APC: variants seen among roughly 807,000 people sequenced by gnomAD.
APC encodes adenomatous polyposis coli protein.
APC carries 72 observed loss-of-function variants against 247.0 expected under a neutral mutation model. The observed-to-expected ratio is 0.29, with a 90% CI of 0.24 to 0.35. The LOEUF is 0.35. Ranked by LOEUF, APC falls within the 10% of genes least tolerant of loss-of-function variation. The pLI is 1.00. For missense variants in APC, 3,400 were observed against 3,360.7 expected (o/e 1.01, Z -0.29); for synonymous variants, 1,254 against 1,162.5 (o/e 1.08, Z -1.60).
chr5:112,819,604 A>G (rs1307768167), intron 10 of APC, among the ~76,000 whole-genome samples: 2 of 152,236 alleles, frequency 1.3e-5, no homozygotes, highest in African/African-American at 4.8e-5. Flanking sequence ...GGGCCTTAGT[A>G]GAGCTAGAAA....
In APC at chr5:112,828,891, A is replaced by C. The variant is rs1057521976; in HGVS notation, c.1662A>C (p.Arg554=). The C allele has an allele frequency of 1.2e-6, 2 of 1,613,774 alleles. No homozygotes were observed. Among genetic ancestry groups the C allele is most frequent in the Admixed American group, 1.7e-5 (1 of 60,002 alleles). Residue 554 remains arginine (R), a synonymous_variant, in exon 14 of 16, where the codon CGA becomes CGC. Transcript: ENST00000257430. ...GTGTTTTGAGGAATTTGTCTTGGCGAGCAGATGTAAATAGTAAAAAGACGT... is the reference window on the plus strand; with the variant it reads ...GTGTTTTGAGGAATTTGTCTTGGCGCGCAGATGTAAATAGTAAAAAGACGT... The part of the protein sequence containing the change: ...IASVLRNLSW[R]ADVNSKKTLR...
At position 112,767,256 on chromosome 5, in the gene APC, T is replaced by C. The variant is rs376213437; in HGVS notation, c.288T>C (p.Tyr96=). 55 of 1,614,186 alleles carry C rather than the reference T, an allele frequency of 3.4e-5. No homozygotes were observed. The highest frequency in any genetic ancestry group is 6.7e-5 in the Admixed American group (4 of 60,024). The part of the protein sequence containing the change: ...KLRSKMSLRS[Y]GSREGSVSSR... ...GGTCAAAAATGTCCCTCCGTTCTTA[T>C]GGAAGCCGGGAAGGATCTGTATCAA... Residue 96 remains tyrosine (Y), a synonymous_variant, in exon 4 of 16, where the codon TAT becomes TAC. Transcript: ENST00000257430.
At chr5:112,708,017 C>T (rs1750627747) in intron 1 of APC, 17 of 906,232 alleles carry the variant, frequency 1.9e-5, no homozygotes, top group Non-Finnish European at 2.3e-5. Flanking sequence ...CTCTCCCCTC[C>T]CCGCACTCCC....
chr5:112,745,651 C>T (rs567889827), intron 1 of APC, among the ~76,000 whole-genome samples: 95 of 151,492 alleles, frequency 6.3e-4, no homozygotes, highest in Non-Finnish European at 6.2e-4. Context: ...GCAACCTCCA[C>T]CTCAAGCGAT....
rs138528583 is a variant in APC, at chr5:112,716,115, T to G, written c.165+8233T>G. Among the ~76,000 whole-genome samples the G allele has an allele frequency of 3.7e-3, 567 of 152,276 alleles. 4 individuals carry two copies. The highest frequency in any genetic ancestry group is 0.013 in the African/African-American group (540 of 41,574). ...ATTTTCTGTTGCGTTAATTTCTGCT[T>G]CTTATTTCCTTCCCTGCTGCTTTTT... On this transcript the variant is annotated intron_variant, in intron 1 of 13. Transcript: ENST00000507379.
intron 8 of APC, among the ~76,000 whole-genome samples, chr5:112,815,065 C>T (rs537813363): frequency 1.1e-4 from 16 of 152,200 alleles, no homozygotes; most frequent in Admixed American, 3.3e-4. Flanking sequence ...TTTTAAACAG[C>T]CCTTTCTAAA....
chr5:112,769,192 AGGCAC>A (rs1440315352), intron 4 of APC, among the ~76,000 whole-genome samples: 2 of 151,078 alleles, frequency 1.3e-5, no homozygotes, highest in Admixed American at 1.3e-4. Context: ...CTGGGATTAC[AGGCAC>A]GCCCCACCGC....
chr5:112,720,665 C>G (rs1481497627), intron 1 of APC, among the ~76,000 whole-genome samples: 1 of 152,152 alleles, frequency 6.6e-6, no homozygotes, highest in East Asian at 1.9e-4. Flanking sequence ...AAAAATAGGT[C>G]TGTTACAGAT....
rs79014265 is a variant in APC, at chr5:112,784,896, C to T, written c.645+3993C>T. 3.7e-4 allele frequency among the ~76,000 whole-genome samples: 57 copies of T among 152,110 alleles called. 1 individual carries two copies. Among genetic ancestry groups the T allele is most frequent in the Non-Finnish European group, 6.6e-4 (45 of 67,970 alleles). On this transcript the variant is annotated intron_variant, in intron 6 of 15. Transcript: ENST00000257430. Reference sequence around the variant, plus strand: ...TAATCCCAGCACTTTGGGAGGCTGACGCAAGAGGATCACAAGTTAGCAGTA... The same window carrying T: ...TAATCCCAGCACTTTGGGAGGCTGATGCAAGAGGATCACAAGTTAGCAGTA...
intron 1 of APC, among the ~76,000 whole-genome samples, chr5:112,730,414 C>T (rs1752042098): frequency 6.6e-6 from 1 of 152,186 alleles, no homozygotes; most frequent in African/African-American, 2.4e-5. Context: ...TCAGCATTGG[C>T]TTTGAAGGCG....
At chr5:112,776,206 A>G (rs1055329850) in intron 5 of APC, among the ~76,000 whole-genome samples, 1 of 152,236 alleles carries the variant, frequency 6.6e-6, no homozygotes, top group African/African-American at 2.4e-5. Context: ...CAAGCACTAA[A>G]GCTGGTTTGT....
rs372855304 is a variant in APC, at chr5:112,838,959, A to G, written c.3365A>G (p.Asn1122Ser). The G allele has an allele frequency of 3.7e-6, 6 of 1,614,158 alleles. No individual in the cohort carries two copies. The highest frequency in any genetic ancestry group is 5.1e-6 in the Non-Finnish European group (6 of 1,180,028). Reference sequence around the variant, plus strand: ...CGAGTGGGTTCTAATCATGGAATTAATCAAAATGTAAGCCAGTCTTTGTGT... The same window carrying G: ...CGAGTGGGTTCTAATCATGGAATTAGTCAAAATGTAAGCCAGTCTTTGTGT... Reference protein sequence around the residue: ...TNRVGSNHGINQNVSQSLCQE... With the variant: ...TNRVGSNHGISQNVSQSLCQE... Residue 1122 changes from asparagine to serine, a missense_variant, in exon 16 of 16, where the codon AAT (asparagine) becomes AGT (serine). By Grantham distance (46) the Asn-to-Ser change is conservative. Transcript: ENST00000257430.
At chr5:112,780,517 A>G (rs1465014193) in intron 5 of APC, among the ~76,000 whole-genome samples, 6 of 152,186 alleles carry the variant, frequency 3.9e-5, no homozygotes, top group Non-Finnish European at 8.8e-5. Flanking sequence ...TGGACCAATT[A>G]TATATTTTAA....
intron 2 of APC, among the ~76,000 whole-genome samples, chr5:112,755,574 G>T (rs1231553849): frequency 6.6e-6 from 1 of 152,148 alleles, no homozygotes; most frequent in African/African-American, 2.4e-5. Context: ...TATTTGGCAA[G>T]TACAGGCATC....
chr5:112,752,012 A>G (rs1407417295), intron 1 of APC, among the ~76,000 whole-genome samples: 1 of 152,042 alleles, frequency 6.6e-6, no homozygotes, highest in Admixed American at 6.6e-5. Flanking sequence ...ATGTTAAATG[A>G]TATAATTAAT....
intron 4 of APC, among the ~76,000 whole-genome samples, chr5:112,768,145 GCGATTCTT>G (rs1756577192): frequency 6.7e-6 from 1 of 150,256 alleles, no homozygotes; most frequent in Non-Finnish European, 1.5e-5. Context: ...CCAGGTTCAA[GCGATTCTT>G]CTGCTTCAGT....
chr5:112,846,084 T>G lies in APC; in HGVS notation c.*1958T>G, dbSNP rs1006586789. ...CTAAGATATTTGACTCCAATGCCTG[T>G]ACTGTGTCTACTGCACCACTTTGTA... On this transcript the variant is annotated 3_prime_UTR_variant, in exon 16 of 16. Coordinates refer to ENST00000257430, the MANE Select transcript of APC (RefSeq NM_000038.6). 1 of 232,222 alleles carries G rather than the reference T, an allele frequency of 4.3e-6. No homozygotes were observed. The highest frequency in any genetic ancestry group is 2.2e-5 in the African/African-American group (1 of 45,312). 14.4% of individuals were successfully genotyped at this position (232,222 alleles called of 1,614,324 possible).
intron 1 of APC, among the ~76,000 whole-genome samples, chr5:112,745,187 A>T (rs980815827): frequency 6.6e-6 from 1 of 152,188 alleles, no homozygotes; most frequent in Non-Finnish European, 1.5e-5. Context: ...TAAAATTTTT[A>T]TGAAAATTAG....
Position 112,818,835 on chromosome 5 carries a change from T to G in APC, c.934-131T>G, listed in dbSNP as rs1455643879. Reference sequence around the variant, plus strand: ...CCTGGAAAGGTTTTCCGGTTTTTTGTTTTTTTTTTGGCGGGGGGGGTTGTT... The same window carrying G: ...CCTGGAAAGGTTTTCCGGTTTTTTGGTTTTTTTTTGGCGGGGGGGGTTGTT... On this transcript the variant is annotated intron_variant, in intron 9 of 15. Coordinates refer to ENST00000257430, the MANE Select transcript of APC (RefSeq NM_000038.6). 3.4e-5 allele frequency: 22 copies of G among 651,826 alleles called. 1 individual carries two copies. The highest frequency in any genetic ancestry group is 2.2e-4 in the East Asian group (6 of 27,568). The allele number at this position is 651,826 out of a possible 1,614,324, so 40.4% of individuals were successfully genotyped here. A position where few individuals can be genotyped will look rare whatever the true frequency, so the allele number is the denominator to read the frequency against.
Sources: allele counts gnomAD v4.1 joint callset (sites outside exome capture counted in the v4.1 genomes callset), GRCh38; gene constraint gnomAD v4.1.1; transcripts MANE v1.5; gene names NCBI Gene and HGNC (gene_info 2026-07-23, HGNC 2026-07-21).